Variants in FNBP4 observed in about 807,000 individuals in gnomAD.
The protein encoded by FNBP4 is formin-binding protein 4.
FNBP4 carries 34 observed loss-of-function variants against 119.3 expected under a neutral mutation model. That is an observed-to-expected ratio of 0.28 (90% CI 0.22 to 0.38). The LOEUF (loss-of-function observed/expected upper bound fraction) is 0.38, where lower values mean the gene tolerates loss of function less well. Ranked by LOEUF, FNBP4 falls within the 10% of genes least tolerant of loss-of-function variation. The pLI is 1.00. For missense variants in FNBP4, 1,112 were observed against 1,228.9 expected, an observed-to-expected ratio of 0.90 and a Z score of 1.42; for synonymous variants, 462 against 430.6, an observed-to-expected ratio of 1.07 and a Z score of -0.90.
At position 47,734,138 on chromosome 11, in the gene FNBP4, CA is replaced by C; in HGVS notation, c.1582-10del. On this transcript the variant is annotated splice_polypyrimidine_tract_variant and intron_variant, in intron 9 of 16. Coordinates refer to ENST00000263773, the MANE Select transcript of FNBP4 (RefSeq NM_015308.5). ...AGTTCTCCAATCTGAAACTACAATG[CA>C]AAAAAGAAAAAAAGTAAAACTAGAA... 6.6e-7 allele frequency: 1 copy of C among 1,510,688 alleles called. No homozygotes were observed. 93.6% of individuals were successfully genotyped at this position (1,510,688 alleles called of 1,614,324 possible).
chr11:47,738,847 A>ATTTTTTTTTTTTT (rs71045510), intron 8 of FNBP4, among the ~76,000 whole-genome samples: 28 of 110,980 alleles, frequency 2.5e-4, no homozygotes, highest in Non-Finnish European at 3.8e-4. Context: ...TGCCCAGGTA[A>ATTTTTTTTTTTTT]TTTTTTTTTT....
At chr11:47,737,176 G>C (rs1406533384) in intron 8 of FNBP4, among the ~76,000 whole-genome samples, 1 of 152,104 alleles carries the variant, frequency 6.6e-6, no homozygotes, top group Non-Finnish European at 1.5e-5. Context: ...GGGTGACAGA[G>C]TGAGACTCCA....
intron 4 of FNBP4, among the ~76,000 whole-genome samples, chr11:47,751,569 C>T (rs1599237429): frequency 6.6e-6 from 1 of 152,078 alleles, no homozygotes; most frequent in Non-Finnish European, 1.5e-5. Context: ...GGGGCACCCC[C>T]CAACACTGGT....
Position 47,723,557 on chromosome 11 carries a change from G to T in FNBP4, c.2465-241C>A, listed in dbSNP as rs183121867. ...TACAAGACAATCTGGAAGCATATGT[G>T]CTGAACGTTTTTTGTGTTTTTGAGA... On this transcript the variant is annotated intron_variant, in intron 14 of 16. Transcript: ENST00000263773. Among the ~76,000 whole-genome samples the T allele has an allele frequency of 1.3e-5, 2 of 152,248 alleles. 1 individual carries two copies. The highest frequency in any genetic ancestry group is 3.9e-4 in the East Asian group (2 of 5,182).
rs376370523 is a variant in FNBP4 at position 47,746,329 on chromosome 11, C to G, written c.972G>C (p.Ser324=). ...SEEEKKGVAA[S]LLAPLLPEGI... ...CCTCAGGCAATAAAGGAGCAAGCAG[C>G]GATGCTGCCACCCCTTTCTTCTCCT... The change falls in exon 7 of 17, where the codon TCG becomes TCC. Residue 324 remains serine (S), a synonymous_variant. Coordinates refer to ENST00000263773, the MANE Select transcript of FNBP4 (RefSeq NM_015308.5). 2 of 1,614,012 alleles carry G rather than the reference C, an allele frequency of 1.2e-6. No individual in the cohort carries two copies. Among genetic ancestry groups the G allele is most frequent in the South Asian group, 1.1e-5 (1 of 91,066 alleles).
intron 12 of FNBP4, chr11:47,725,305 A>G (rs768618355): frequency 2.0e-5 from 3 of 152,338 alleles, no homozygotes; most frequent in Non-Finnish European, 2.9e-5. Context: ...TTAGTGAGCT[A>G]GACAAAGTGA....
At chr11:47,742,728 A>C (rs891190592) in intron 8 of FNBP4, among the ~76,000 whole-genome samples, 3 of 151,518 alleles carry the variant, frequency 2.0e-5, no homozygotes, top group African/African-American at 7.3e-5. Context: ...TCTCTACTGA[A>C]AAATACAAAA....
chr11:47,750,517 G>A lies in FNBP4; in HGVS notation c.906+399C>T, dbSNP rs553400315. Among the ~76,000 whole-genome samples, 292 of 148,348 alleles carry A rather than the reference G, an allele frequency of 2.0e-3. No homozygotes were observed. In the Middle Eastern group the frequency reaches 0.025, roughly 13 times the overall value. On this transcript the variant is annotated intron_variant, in intron 6 of 16. Coordinates refer to ENST00000263773, the MANE Select transcript of FNBP4 (RefSeq NM_015308.5). ...ATCCTGGCTAACACAGTGAAACACC[G>A]TCTCCACTAAAAATACAAAAAATAA...
chr11:47,728,841 T>C (rs1252830206), intron 12 of FNBP4, among the ~76,000 whole-genome samples: 2 of 135,628 alleles, frequency 1.5e-5, no homozygotes, highest in Admixed American at 1.7e-4. Context: ...CTTGCTTCTG[T>C]AGGCGTCTTT....
At chr11:47,742,651 G>T (rs1328650775) in intron 8 of FNBP4, among the ~76,000 whole-genome samples, 1 of 151,860 alleles carries the variant, frequency 6.6e-6, no homozygotes, top group Non-Finnish European at 1.5e-5. Flanking sequence ...ACCTTGCAAG[G>T]CTAAGGTGGG....
rs2097649659 is a variant in FNBP4 at position 47,767,228 on chromosome 11, C to G, written c.61G>C (p.Gly21Arg). 2.5e-6 allele frequency: 4 copies of G among 1,570,166 alleles called. No homozygotes were observed. The highest frequency in any genetic ancestry group is 3.4e-6 in the Non-Finnish European group (4 of 1,164,950). Residue 21 changes from glycine to arginine, a missense_variant, in exon 1 of 17, where the codon GGT (glycine) becomes CGT (arginine). Transcript: ENST00000263773. ...CGGCCCGGCGTGCTGCCCCGAGGACCCGGCGGAGAGAGTTGCAGGATGGGC... is the reference window on the plus strand; with the variant it reads ...CGGCCCGGCGTGCTGCCCCGAGGACGCGGCGGAGAGAGTTGCAGGATGGGC... ...RRPILQLSPPGPRGSTPGRDP... is the reference protein window; with the variant it reads ...RRPILQLSPPRPRGSTPGRDP...
chr11:47,734,252 A>G (rs2097571003), intron 9 of FNBP4, 123 bp from the exon 10 acceptor site: 1 of 493,506 alleles, frequency 2.0e-6, no homozygotes, highest in Non-Finnish European at 3.5e-6. Context: ...AGCCTTCCCC[A>G]AACAGCTGTA....
intron 2 of FNBP4, among the ~76,000 whole-genome samples, chr11:47,759,307 G>A (rs562364867): frequency 9.2e-5 from 14 of 151,796 alleles, no homozygotes; most frequent in Admixed American, 7.9e-4. Context: ...TGCCTCCCAG[G>A]TTCAAGTGAT....
intron 2 of FNBP4, among the ~76,000 whole-genome samples, chr11:47,755,304 C>T (rs555279853): frequency 7.5e-4 from 114 of 151,662 alleles, no homozygotes; most frequent in Non-Finnish European, 1.4e-3. Context: ...ACAAAATTAT[C>T]CAGGTGTGGT....
At position 47,723,312 on chromosome 11, in the gene FNBP4, G is replaced by A; in HGVS notation, c.2469C>T (p.His823=). Residue 823 remains histidine (H), a synonymous_variant, in exon 15 of 17, where the codon CAC becomes CAT. Coordinates refer to ENST00000263773, the MANE Select transcript of FNBP4 (RefSeq NM_015308.5). ...LYSQSAIATG[H]QAAGIGNQAT... is the part of the protein sequence containing the mutation. Reference sequence around the variant, plus strand: ...CCTGGTTTCCAATCCCTGCTGCCTGGTGACCTAACACAGAAAACATAAAAT... The same window carrying A: ...CCTGGTTTCCAATCCCTGCTGCCTGATGACCTAACACAGAAAACATAAAAT... 6.2e-7 allele frequency: 1 copy of A among 1,605,532 alleles called. No individual in the cohort carries two copies. Among genetic ancestry groups the A allele is most frequent in the Non-Finnish European group, 8.5e-7 (1 of 1,174,340 alleles).
Position 47,732,352 on chromosome 11 carries a change from TTGCTTTTGTTTCTCC to T in FNBP4, c.1820+170_1820+184del. 1 of 1,494,886 alleles carries T rather than the reference TTGCTTTTGTTTCTCC, an allele frequency of 6.7e-7. No homozygotes were observed. The highest frequency in any genetic ancestry group is 8.9e-7 in the Non-Finnish European group (1 of 1,126,812). The allele number at this position is 1,494,886 out of a possible 1,614,324, so 92.6% of individuals were successfully genotyped here. On this transcript the variant is annotated intron_variant, in intron 11 of 16. Coordinates refer to ENST00000263773, the MANE Select transcript of FNBP4 (RefSeq NM_015308.5). This position sits in a 1 kb window ranked among gnomAD's most constrained non-coding sequence, Gnocchi z 4.2. ...TCCGTTACATGGAACACTTTAAACA[TTGCTTTTGTTTCTCC>T]AATGTGTGGCTGGCCAAACTTTGTG... is the stretch of plus-strand genomic sequence containing the variant.
chr11:47,727,155 T>G (rs2097561942), intron 12 of FNBP4, among the ~76,000 whole-genome samples: 1 of 152,148 alleles, frequency 6.6e-6, no homozygotes, highest in African/African-American at 2.4e-5. Context: ...TAATTAGAAT[T>G]AACTAAACTC....
In FNBP4 at chr11:47,723,002, T is replaced by C; in HGVS notation, c.2779A>G (p.Lys927Glu). The change falls in exon 15 of 17, where the codon AAG (lysine) becomes GAG (glutamate). Residue 927 changes from lysine (K) to glutamate (E), a missense_variant. By Grantham distance (56) the Lys-to-Glu change is moderately conservative. Coordinates refer to ENST00000263773, the MANE Select transcript of FNBP4 (RefSeq NM_015308.5). ...PPAPKMPPPE[K>E]TKKGRKDKAK... is the part of the protein sequence containing the mutation. ...TTGTCTTTCCTTCCTTTTTTTGTCT[T>C]TTCAGGTGGTGGCATTTTGGGAGCT... The C allele has an allele frequency of 6.4e-7, 1 of 1,554,170 alleles. No individual in the cohort carries two copies. The highest frequency in any genetic ancestry group is 8.7e-7 in the Non-Finnish European group (1 of 1,149,512).
chr11:47,757,177 T>C (rs1243727420), intron 2 of FNBP4, among the ~76,000 whole-genome samples: 1 of 152,180 alleles, frequency 6.6e-6, no homozygotes, highest in Non-Finnish European at 1.5e-5. Context: ...ATAAAAGCGT[T>C]CCTATTTCTC....
Sources: allele counts gnomAD v4.1 joint callset (sites outside exome capture counted in the v4.1 genomes callset), GRCh38; gene constraint gnomAD v4.1.1; non-coding constraint Gnocchi (gnomAD v3.1); transcripts MANE v1.5; gene names NCBI Gene and HGNC (gene_info 2026-07-23, HGNC 2026-07-21).